The following TENM3 variants were observed in gnomAD, a reference collection of about 807,000 sequenced individuals.
TENM3 encodes teneurin-3.
Under a neutral mutation model 255.1 loss-of-function variants are expected in TENM3, and 63 were observed. That is an observed-to-expected ratio of 0.25 (90% CI 0.20 to 0.30). TENM3 has a LOEUF of 0.30. Among genes scored for constraint, TENM3 ranks in the 10% least tolerant of loss-of-function variants. TENM3 has a pLI of 1.00. For synonymous variants in TENM3, 1,306 were observed against 1,322.3 expected (o/e 0.99, Z 0.27); for missense variants, 2,929 against 3,461.1 (o/e 0.85, Z 3.86).
the TENM3 span, among the ~76,000 whole-genome samples, chr4:181,886,628 G>A: frequency 6.6e-6 from 1 of 152,114 alleles, no homozygotes; most frequent in South Asian, 2.1e-4. Context: ...ATATGCACAT[G>A]CACTTAATAT....
At chr4:182,134,279 ACT>A in the TENM3 span, among the ~76,000 whole-genome samples, 1 of 152,210 alleles carries the variant, frequency 6.6e-6, no homozygotes, top group Non-Finnish European at 1.5e-5. Context: ...AGATTCTAGT[ACT>A]CACTGATCAG....
the TENM3 span, among the ~76,000 whole-genome samples, chr4:182,106,171 G>A: frequency 6.6e-6 from 1 of 152,236 alleles, no homozygotes; most frequent in East Asian, 1.9e-4. Flanking sequence ...CTAGGGCAAG[G>A]TTAAATCCTG....
intron 2 of TENM3, among the ~76,000 whole-genome samples, chr4:182,338,363 G>C (rs539471076): frequency 6.6e-6 from 1 of 152,114 alleles, no homozygotes; most frequent in East Asian, 1.9e-4. Flanking sequence ...ACATATCCAG[G>C]ACTGCACTGA....
At chr4:181,613,814 T>C in the TENM3 span, among the ~76,000 whole-genome samples, 4 of 152,240 alleles carry the variant, frequency 2.6e-5, no homozygotes, top group African/African-American at 4.8e-5. Context: ...TAAGATGTGA[T>C]TTAACTTTTT....
At chr4:182,612,651 A>G (rs540781904) in intron 4 of TENM3, among the ~76,000 whole-genome samples, 10 of 152,342 alleles carry the variant, frequency 6.6e-5, no homozygotes, top group African/African-American at 2.4e-4. Flanking sequence ...TTTGGAGGCC[A>G]GAAAGACCTG....
At chr4:182,753,888 A>T (rs1286413267) in intron 21 of TENM3, among the ~76,000 whole-genome samples, 1 of 152,262 alleles carries the variant, frequency 6.6e-6, no homozygotes, top group Non-Finnish European at 1.5e-5. Context: ...TATTCTAAAA[A>T]GAACCAAACA....
the TENM3 span, among the ~76,000 whole-genome samples, chr4:181,469,322 A>T: frequency 1.3e-5 from 2 of 152,158 alleles, no homozygotes; most frequent in Non-Finnish European, 2.9e-5. Context: ...ATCTATATAC[A>T]TCTCCCTCCA....
chr4:181,580,559 G>C, the TENM3 span, among the ~76,000 whole-genome samples: 1 of 152,144 alleles, frequency 6.6e-6, no homozygotes, highest in Non-Finnish European at 1.5e-5. Flanking sequence ...CAGAAGTGGG[G>C]CCCCCAGCAC....
the TENM3 span, among the ~76,000 whole-genome samples, chr4:182,075,818 C>T: frequency 6.6e-6 from 1 of 152,190 alleles, no homozygotes; most frequent in African/African-American, 2.4e-5. Flanking sequence ...TGCTTCCCAA[C>T]GGGAACCTGT....
intron 22 of TENM3, among the ~76,000 whole-genome samples, chr4:182,770,400 A>G (rs1378790748): frequency 1.3e-5 from 2 of 151,714 alleles, no homozygotes; most frequent in Admixed American, 1.3e-4. Flanking sequence ...TTCCAGTATG[A>G]CTCTGTGCTG....
the TENM3 span, among the ~76,000 whole-genome samples, chr4:182,050,381 C>G: frequency 1.1e-4 from 16 of 152,150 alleles, no homozygotes; most frequent in South Asian, 2.1e-4. Flanking sequence ...AAACAGTTCT[C>G]AGATTGTTAA....
chr4:181,646,426 T>C, the TENM3 span, among the ~76,000 whole-genome samples: 1 of 152,058 alleles, frequency 6.6e-6, no homozygotes, highest in African/African-American at 2.4e-5. Flanking sequence ...AGGAAGGTGT[T>C]TTGACAGAGT....
chr4:182,720,913 G>T (rs937972566), intron 13 of TENM3, among the ~76,000 whole-genome samples: 1 of 151,844 alleles, frequency 6.6e-6, no homozygotes, highest in African/African-American at 2.4e-5. Context: ...AATTACAGGC[G>T]CTTGCCACCA....
At chr4:181,468,857 A>G in the TENM3 span, among the ~76,000 whole-genome samples, 1 of 152,198 alleles carries the variant, frequency 6.6e-6, no homozygotes, top group South Asian at 2.1e-4. Flanking sequence ...CCTCACAAAT[A>G]CAGTTTCTGG....
At chr4:182,622,939 T>C (rs1750433257) in intron 4 of TENM3, among the ~76,000 whole-genome samples, 1 of 152,130 alleles carries the variant, frequency 6.6e-6, no homozygotes, top group Non-Finnish European at 1.5e-5. Context: ...TCCATCAGTA[T>C]AGTACGTTAG....
the TENM3 span, among the ~76,000 whole-genome samples, chr4:181,644,250 AT>A: frequency 1.3e-5 from 2 of 151,984 alleles, no homozygotes; most frequent in African/African-American, 4.8e-5. Context: ...AGAGCCCGTA[AT>A]AGTTTCTGAT....
At chr4:182,187,541 C>T (rs1032482081) in intron 1 of TENM3, among the ~76,000 whole-genome samples, 3 of 152,080 alleles carry the variant, frequency 2.0e-5, no homozygotes, top group Non-Finnish European at 4.4e-5. Flanking sequence ...TTTGTGCCCC[C>T]CTCCCACCCG....
Position 182,223,783 on chromosome 4 carries a change from CAAAAA to C in TENM3, c.-76+79043_-76+79047del, listed in dbSNP as rs61535632. On this transcript the variant is annotated intron_variant, in intron 1 of 2. Coordinates refer to the TENM3 transcript ENST00000512480. ...ACTGCTGCAAATGGAGATAGATTGG[CAAAAA>C]AAAAAAAAAAAAAGGAATGGAATTG... Among the ~76,000 whole-genome samples the C allele has an allele frequency of 7.1e-5, 8 of 112,998 alleles. 1 individual carries two copies. Among genetic ancestry groups the C allele is most frequent in the Non-Finnish European group, 1.2e-4 (7 of 58,196 alleles). 74.1% of individuals were successfully genotyped at this position (112,998 alleles called of 152,430 possible).
the TENM3 span, among the ~76,000 whole-genome samples, chr4:181,484,725 A>G: frequency 6.6e-6 from 1 of 152,164 alleles, no homozygotes; most frequent in African/African-American, 2.4e-5. Flanking sequence ...TAAAGATCAG[A>G]ACTAATTTTT....
Sources: gnomAD v4.1 joint callset for allele counts (sites outside exome capture counted in the v4.1 genomes callset) on GRCh38, gnomAD v4.1.1 for gene constraint, MANE v1.5 for transcripts, NCBI Gene and HGNC (gene_info 2026-07-23, HGNC 2026-07-21) for gene names.